Variants in NALF1 observed in about 807,000 individuals in gnomAD.
NALF1 encodes the protein family with sequence similarity 155 member A.
A neutral mutation model predicts 48.4 loss-of-function variants in NALF1; 3 were observed. That is an observed-to-expected ratio of 0.06 (90% CI 0.03 to 0.16). The LOEUF (loss-of-function observed/expected upper bound fraction) is 0.16. Ranked by LOEUF, NALF1 falls within the 10% of genes least tolerant of loss-of-function variation. NALF1 has a pLI of 1.00. For synonymous variants in NALF1, 262 were observed against 245.7 expected, an observed-to-expected ratio of 1.07 and a Z score of -0.62; for missense variants, 526 against 571.5, an observed-to-expected ratio of 0.92 and a Z score of 0.81.
chr13:107,682,341 G>A (rs909092917), intron 1 of NALF1, among the ~76,000 whole-genome samples: 21 of 152,128 alleles, frequency 1.4e-4, no homozygotes, highest in Non-Finnish European at 2.5e-4. Flanking sequence ...TCTCTGGCCC[G>A]CCTTGGGACT....
intron 2 of NALF1, among the ~76,000 whole-genome samples, chr13:107,205,163 C>T (rs995110032): frequency 1.6e-4 from 24 of 152,078 alleles, no homozygotes; most frequent in African/African-American, 5.8e-4. Context: ...CCCTTTCCCC[C>T]CACCCCACAA....
At chr13:107,344,200 A>G (rs1000491621) in intron 1 of NALF1, among the ~76,000 whole-genome samples, 1 of 152,104 alleles carries the variant, frequency 6.6e-6, no homozygotes, top group African/African-American at 2.4e-5. Context: ...GTAATCAGAA[A>G]CCTCCCAATA....
At chr13:107,177,799 T>G (rs1334096888) in intron 2 of NALF1, among the ~76,000 whole-genome samples, 1 of 152,200 alleles carries the variant, frequency 6.6e-6, no homozygotes, top group Non-Finnish European at 1.5e-5. Context: ...CTTGTAACCC[T>G]AGCACTTTGG....
chr13:107,568,132 CA>C (rs1877870180), intron 1 of NALF1, among the ~76,000 whole-genome samples: 5 of 152,120 alleles, frequency 3.3e-5, no homozygotes, highest in Non-Finnish European at 1.5e-5. Flanking sequence ...CATGCACCAC[CA>C]TGCCTGGCTA....
chr13:107,265,695 C>A (rs1430239149), intron 1 of NALF1, among the ~76,000 whole-genome samples: 1 of 152,084 alleles, frequency 6.6e-6, no homozygotes, highest in African/African-American at 2.4e-5. Context: ...CATGAGCCAC[C>A]ATGCCTGGCC....
At chr13:107,411,276 G>T (rs1184790827) in intron 1 of NALF1, among the ~76,000 whole-genome samples, 1 of 151,150 alleles carries the variant, frequency 6.6e-6, no homozygotes, top group African/African-American at 2.4e-5. Flanking sequence ...CCTGCCCACA[G>T]GCTGAAGGTG....
chr13:107,395,569 C>T (rs1566324185), intron 1 of NALF1, among the ~76,000 whole-genome samples: 5 of 152,118 alleles, frequency 3.3e-5, no homozygotes, highest in South Asian at 2.1e-4. Context: ...TATCTTCCTA[C>T]GTCATTAGGG....
At chr13:107,619,417 C>T (rs557208498) in intron 1 of NALF1, among the ~76,000 whole-genome samples, 1 of 152,276 alleles carries the variant, frequency 6.6e-6, no homozygotes, top group African/African-American at 2.4e-5. Context: ...GAGATCCCAT[C>T]ATGAAGTATC....
intron 1 of NALF1, among the ~76,000 whole-genome samples, chr13:107,707,009 G>A (rs542477450): frequency 5.6e-5 from 7 of 125,392 alleles, no homozygotes; most frequent in Non-Finnish European, 1.1e-4. Context: ...TGCAAGCTCC[G>A]CCTCCCGGGT....
At chr13:107,599,645 A>G (rs890227795) in intron 1 of NALF1, among the ~76,000 whole-genome samples, 7 of 152,180 alleles carry the variant, frequency 4.6e-5, no homozygotes, top group Non-Finnish European at 1.0e-4. Context: ...CTTCAAATTC[A>G]TTTCCAAATT....
intron 1 of NALF1, among the ~76,000 whole-genome samples, chr13:107,384,067 T>C (rs1883484834): frequency 6.6e-6 from 1 of 151,976 alleles, no homozygotes; most frequent in Non-Finnish European, 1.5e-5. Context: ...TGGACAACAA[T>C]GCAAGGTCCC....
Position 107,430,546 on chromosome 13 carries a change from G to A in NALF1, c.916-219791C>T, listed in dbSNP as rs532580429. The stretch of plus-strand genomic sequence containing the variant: ...TTCCCACCTATGAGTGAGAACATGC[G>A]GTGGTTGGTTTTTTGTCCTTGCGAT... On this transcript the variant is annotated intron_variant, in intron 1 of 2. Coordinates refer to ENST00000375915, the MANE Select transcript of NALF1 (RefSeq NM_001080396.3). Among the ~76,000 whole-genome samples, 186 of 152,152 alleles carry A rather than the reference G, an allele frequency of 1.2e-3. 1 individual carries two copies. The highest frequency in any genetic ancestry group is 4.0e-3 in the African/African-American group (165 of 41,522).
chr13:107,606,843 G>C (rs1879086970), intron 1 of NALF1, among the ~76,000 whole-genome samples: 1 of 152,138 alleles, frequency 6.6e-6, no homozygotes, highest in Non-Finnish European at 1.5e-5. Flanking sequence ...TAGAGTACTT[G>C]AAAACAAAAT....
chr13:107,211,603 T>C (rs1371473058), intron 1 of NALF1, among the ~76,000 whole-genome samples: 2 of 152,200 alleles, frequency 1.3e-5, no homozygotes, highest in African/African-American at 2.4e-5. Context: ...TAAATTCAAA[T>C]ACAACAATGG....
intron 1 of NALF1, among the ~76,000 whole-genome samples, chr13:107,769,571 G>A (rs1283301804): frequency 1.3e-5 from 2 of 148,982 alleles, no homozygotes; most frequent in African/African-American, 5.0e-5. Flanking sequence ...GGATAGCATC[G>A]GGAGATATAC....
At chr13:107,188,556 T>C (rs940450758) in intron 2 of NALF1, among the ~76,000 whole-genome samples, 3 of 152,270 alleles carry the variant, frequency 2.0e-5, no homozygotes, top group African/African-American at 7.2e-5. Flanking sequence ...AAGGAATACA[T>C]TTATAAACAA....
intron 1 of NALF1, among the ~76,000 whole-genome samples, chr13:107,420,622 T>C (rs1480333390): frequency 2.0e-5 from 3 of 152,156 alleles, no homozygotes; most frequent in African/African-American, 7.2e-5. Flanking sequence ...CCTGTCTCTT[T>C]AGGATTTCTA....
intron 1 of NALF1, among the ~76,000 whole-genome samples, chr13:107,438,645 C>G (rs1884501161): frequency 6.6e-6 from 1 of 151,102 alleles, no homozygotes; most frequent in South Asian, 2.1e-4. Context: ...CTACTAAAAA[C>G]AAATAACAAA....
At chr13:107,862,635 A>AT (rs1880604434) in intron 1 of NALF1, among the ~76,000 whole-genome samples, 1 of 151,888 alleles carries the variant, frequency 6.6e-6, no homozygotes, top group Non-Finnish European at 1.5e-5. Flanking sequence ...TTGAGTGAAT[A>AT]TTTTTTCTAT....
Sources: allele counts gnomAD v4.1 joint callset (sites outside exome capture counted in the v4.1 genomes callset), GRCh38; gene constraint gnomAD v4.1.1; transcripts MANE v1.5; gene names NCBI Gene and HGNC (gene_info 2026-07-23, HGNC 2026-07-21).